Variants in ACAP2 observed in about 807,000 individuals in gnomAD.
The protein encoded by ACAP2 is arf-GAP with coiled-coil, ANK repeat and PH domain-containing protein 2.
Under a neutral mutation model 115.8 loss-of-function variants are expected in ACAP2, and 39 were observed. The observed-to-expected ratio is 0.34, with a 90% confidence interval of 0.26 to 0.44. The LOEUF is 0.44. Ranked by LOEUF, ACAP2 falls within the 20% of genes least tolerant of loss-of-function variation. The pLI is 1.00. For missense variants in ACAP2, 662 were observed against 927.6 expected (o/e 0.71, Z 3.72); for synonymous variants, 289 against 315.8 (o/e 0.92, Z 0.90).
intron 1 of ACAP2, among the ~76,000 whole-genome samples, chr3:195,405,829 G>A (rs1007197063): frequency 6.6e-6 from 1 of 152,194 alleles, no homozygotes; most frequent in African/African-American, 2.4e-5. Flanking sequence ...AGGCAAAGGG[G>A]AAGCAAATGC....
At chr3:195,285,509 A>T in intron 22 of ACAP2, 1 of 331,392 alleles carries the variant, frequency 3.0e-6, no homozygotes, top group Non-Finnish European at 5.4e-6. Flanking sequence ...TATGGAAGAC[A>T]TCCGTACAGC....
intron 2 of ACAP2, among the ~76,000 whole-genome samples, chr3:195,383,319 A>G (rs1289156523): frequency 6.6e-6 from 1 of 152,126 alleles, no homozygotes; most frequent in East Asian, 1.9e-4. Flanking sequence ...GTCTGGTAGT[A>G]AATGCAAATA....
At chr3:195,392,065 C>CAA in intron 2 of ACAP2, 25 bp downstream of exon 2, 1 of 1,595,252 alleles carries the variant, frequency 6.3e-7, no homozygotes, top group Non-Finnish European at 8.6e-7. Flanking sequence ...ATCAATGTTT[C>CAA]AAAAAGCTAA....
At chr3:195,279,624 G>A (rs1726358087) in intron 22 of ACAP2, 196 bp from the exon 23 acceptor site, 1 of 395,910 alleles carries the variant, frequency 2.5e-6, no homozygotes, top group East Asian at 4.2e-5. Context: ...AACTATACCT[G>A]AAAAAAGCAC....
intron 4 of ACAP2, among the ~76,000 whole-genome samples, chr3:195,364,385 T>C (rs983650539): frequency 6.6e-6 from 1 of 151,896 alleles, no homozygotes; most frequent in Non-Finnish European, 1.5e-5. Context: ...AAAACTACAA[T>C]GAGATTATTT....
intron 4 of ACAP2, among the ~76,000 whole-genome samples, chr3:195,380,507 A>C (rs892507872): frequency 1.3e-5 from 2 of 152,210 alleles, no homozygotes; most frequent in African/African-American, 2.4e-5. Context: ...ACACTCCCAA[A>C]GTAATATATA....
At chr3:195,427,996 C>T (rs73208926) in intron 1 of ACAP2, among the ~76,000 whole-genome samples, 992 of 82,480 alleles carry the variant, frequency 0.012, 5 homozygotes, top group Middle Eastern at 0.078. Flanking sequence ...TATATATATA[C>T]ACACACACGT....
chr3:195,342,455 G>T lies in ACAP2; in HGVS notation c.528+16C>A. 1 of 1,582,252 alleles carries T rather than the reference G, an allele frequency of 6.3e-7. No individual in the cohort carries two copies. Among genetic ancestry groups the T allele is most frequent in the Non-Finnish European group, 8.5e-7 (1 of 1,170,256 alleles). On this transcript the variant is annotated intron_variant, in intron 6 of 22. Transcript: ENST00000326793. ...TAAGCACTGTCTGAAAACATACACA[G>T]TAAGAAACTATATACCTGAAGCACA... is the stretch of plus-strand genomic sequence containing the variant.
intron 4 of ACAP2, among the ~76,000 whole-genome samples, chr3:195,355,200 G>A (rs1215564953): frequency 6.7e-6 from 1 of 148,406 alleles, no homozygotes; most frequent in East Asian, 1.9e-4. Flanking sequence ...AAAGTATGTT[G>A]TCAATAAAGC....
chr3:195,397,710 TAAAC>T (rs1711919222), intron 1 of ACAP2, among the ~76,000 whole-genome samples: 1 of 152,110 alleles, frequency 6.6e-6, no homozygotes, highest in Non-Finnish European at 1.5e-5. Context: ...AAAACATAGA[TAAAC>T]AACACTCTCT....
chr3:195,315,998 T>C (rs1428812597), intron 10 of ACAP2, among the ~76,000 whole-genome samples: 2 of 152,240 alleles, frequency 1.3e-5, no homozygotes, highest in Non-Finnish European at 2.9e-5. Flanking sequence ...CCATCTCTCA[T>C]TGTAGTAGTC....
intron 1 of ACAP2, among the ~76,000 whole-genome samples, chr3:195,431,563 G>A (rs1340927829): frequency 5.3e-5 from 8 of 151,172 alleles, no homozygotes; most frequent in Admixed American, 2.6e-4. Flanking sequence ...TCAGCCTCCC[G>A]AGTAGCTGGG....
chr3:195,347,763 T>C (rs1312633848), intron 4 of ACAP2, among the ~76,000 whole-genome samples: 1 of 152,228 alleles, frequency 6.6e-6, no homozygotes, highest in African/African-American at 2.4e-5. Context: ...ATCCCATTAC[T>C]TTGGGAGCCC....
rs80147989 is a variant in ACAP2, at chr3:195,387,890, A to C, written c.111+4200T>G. ...TACTTTACATGTATTATCTCATTTT[A>C]GTTTCATAATAATCCTATGAAATAG... is the stretch of plus-strand genomic sequence containing the variant. On this transcript the variant is annotated intron_variant, in intron 2 of 22. Coordinates refer to ENST00000326793, the MANE Select transcript of ACAP2 (RefSeq NM_012287.6). Among the ~76,000 whole-genome samples, 547 of 152,314 alleles carry C rather than the reference A, an allele frequency of 3.6e-3. 21 individuals carry two copies. The East Asian group carries it at 0.083, about 23-fold the overall frequency.
intron 1 of ACAP2, among the ~76,000 whole-genome samples, chr3:195,412,375 T>G (rs1189543093): frequency 6.7e-6 from 1 of 150,002 alleles, no homozygotes; most frequent in Non-Finnish European, 1.5e-5. Context: ...AGGTCAGGAG[T>G]TCGAGACCAG....
At chr3:195,307,455 G>T in intron 11 of ACAP2, 132 bp from the exon 12 acceptor site, 2 of 563,688 alleles carry the variant, frequency 3.5e-6, no homozygotes, top group Non-Finnish European at 3.1e-6. Context: ...TAGAAACAGG[G>T]GTTATCAATA....
chr3:195,420,357 T>C (rs1296356970), intron 1 of ACAP2, among the ~76,000 whole-genome samples: 1 of 152,200 alleles, frequency 6.6e-6, no homozygotes. Context: ...TGTTTTGTTT[T>C]GGTTTTTTTG....
chr3:195,305,782 T>C (rs940182867), intron 13 of ACAP2, among the ~76,000 whole-genome samples: 1 of 151,982 alleles, frequency 6.6e-6, no homozygotes, highest in Non-Finnish European at 1.5e-5. Context: ...TACTTTCATC[T>C]CTAAGCCTTT....
At chr3:195,406,028 T>G (rs1712743756) in intron 1 of ACAP2, among the ~76,000 whole-genome samples, 1 of 152,110 alleles carries the variant, frequency 6.6e-6, no homozygotes, top group Non-Finnish European at 1.5e-5. Context: ...GGATTACAAT[T>G]TAACATGAGA....
Sources: allele counts gnomAD v4.1 joint callset (sites outside exome capture counted in the v4.1 genomes callset), GRCh38; gene constraint gnomAD v4.1.1; transcripts MANE v1.5; gene names NCBI Gene and HGNC (gene_info 2026-07-23, HGNC 2026-07-21).